The following PSPC1 variants were observed in gnomAD, a reference collection of about 807,000 sequenced individuals.
The protein encoded by PSPC1 is paraspeckle component 1.
PSPC1 carries 14 observed loss-of-function variants against 51.6 expected under a neutral mutation model. The observed-to-expected ratio is 0.27, with a 90% CI of 0.18 to 0.42. The LOEUF (loss-of-function observed/expected upper bound fraction) is 0.42, where lower values mean the gene tolerates loss of function less well. Among genes scored for constraint, PSPC1 ranks in the 10% least tolerant of loss-of-function variants. PSPC1 has a pLI of 1.00. For missense variants in PSPC1, 406 were observed against 701.1 expected (o/e 0.58, Z 4.75); for synonymous variants, 193 against 231.9 (o/e 0.83, Z 1.53).
chr13:19,692,116 CAT>C (rs1878643484), intron 6 of PSPC1, among the ~76,000 whole-genome samples: 1 of 152,012 alleles, frequency 6.6e-6, no homozygotes, highest in African/African-American at 2.4e-5. Flanking sequence ...GAATCTGAGT[CAT>C]GTTTTGTGTA....
Position 19,710,262 on chromosome 13 carries a change from C to T in PSPC1, c.1159-663G>A, listed in dbSNP as rs1299997138. On this transcript the variant is annotated intron_variant, in intron 6 of 8. Coordinates refer to ENST00000338910, the MANE Select transcript of PSPC1 (RefSeq NM_001354909.2). ...CTGAATGAAAGTATTACACAGTTAA[C>T]TATAAAACAGAAATATTCAGAACAT... Among the ~76,000 whole-genome samples, 4 of 152,088 alleles carry T rather than the reference C, an allele frequency of 2.6e-5. No homozygotes were observed. The East Asian group carries it at 7.7e-4, about 29-fold the overall frequency.
intron 6 of PSPC1, among the ~76,000 whole-genome samples, chr13:19,680,610 G>GA (rs917731206): frequency 7.3e-5 from 11 of 149,974 alleles, no homozygotes; most frequent in South Asian, 2.1e-4. Flanking sequence ...TGCCTAATAT[G>GA]AAAAAAAAAC....
At chr13:19,721,003 C>T (rs1485824237) in intron 6 of PSPC1, among the ~76,000 whole-genome samples, 1 of 146,402 alleles carries the variant, frequency 6.8e-6, no homozygotes, top group Non-Finnish European at 1.5e-5. Context: ...CTACAGCCTA[C>T]ATCTCACTAG....
chr13:19,753,187 G>A lies in PSPC1; in HGVS notation c.771-1720C>T, dbSNP rs557003209. On this transcript the variant is annotated intron_variant, in intron 3 of 8. Coordinates refer to ENST00000338910, the MANE Select transcript of PSPC1 (RefSeq NM_001354909.2). ...GATCCCAGCTACTCAGGAGGCTAAG[G>A]CAGGAGAATCGCTTGAACTCGGGAG... is the stretch of plus-strand genomic sequence containing the variant. Among the ~76,000 whole-genome samples, 341 of 150,846 alleles carry A rather than the reference G, an allele frequency of 2.3e-3. 2 individuals carry two copies. The highest frequency in any genetic ancestry group is 7.9e-3 in the African/African-American group (324 of 40,962).
chr13:19,741,508 G>C, intron 5 of PSPC1, 57 bp downstream of exon 5: 6 of 1,236,708 alleles, frequency 4.9e-6, no homozygotes, highest in Admixed American at 2.1e-5. Flanking sequence ...ACAGGTTGTG[G>C]GGAGTTTTTA....
chr13:19,772,801 CA>C (rs1344318759), intron 1 of PSPC1, among the ~76,000 whole-genome samples: 2 of 152,064 alleles, frequency 1.3e-5, no homozygotes, highest in African/African-American at 2.4e-5. Context: ...GGCCAGTTAC[CA>C]ACTATTAAAT....
chr13:19,673,058 A>G (rs527829595), downstream of PSPC1: 63 of 442,130 alleles, frequency 1.4e-4, no homozygotes, highest in Non-Finnish European at 2.7e-4. Flanking sequence ...TTGTCTCAAA[A>G]AAAAAAAAAA....
intron 7 of PSPC1, among the ~76,000 whole-genome samples, chr13:19,707,909 G>A (rs1593582152): frequency 1.3e-5 from 2 of 151,264 alleles, no homozygotes; most frequent in Admixed American, 6.6e-5. Flanking sequence ...TAGCACCCCA[G>A]CATTTACTCT....
Position 19,747,282 on chromosome 13 carries a change from CG to C in PSPC1, c.967+3988del, listed in dbSNP as rs1404498971. On this transcript the variant is annotated intron_variant, in intron 4 of 8. Coordinates refer to ENST00000338910, the MANE Select transcript of PSPC1 (RefSeq NM_001354909.2). ...TCATACAACCATTAAAAATATAAGG[CG>C]GATATTTACATATATATTCATGTAG... Among the ~76,000 whole-genome samples, 121 of 152,018 alleles carry C rather than the reference CG, an allele frequency of 8.0e-4. 1 individual carries two copies. Among genetic ancestry groups the C allele is most frequent in the Non-Finnish European group, 1.6e-4 (11 of 67,976 alleles).
rs1165730069 is a variant in PSPC1, at chr13:19,753,015, G to C, written c.771-1548C>G. Among the ~76,000 whole-genome samples the C allele has an allele frequency of 2.0e-5, 3 of 151,868 alleles. No individual in the cohort carries two copies. In the East Asian group the frequency reaches 5.8e-4, roughly 29 times the overall value. The stretch of plus-strand genomic sequence containing the variant: ...CTCACTGCCGAGACTGGGCACGGTA[G>C]GTCACACTTGTAATCCCAGCCCTTT... On this transcript the variant is annotated intron_variant, in intron 3 of 8. Transcript: ENST00000338910.
intron 2 of PSPC1, among the ~76,000 whole-genome samples, chr13:19,770,291 C>T (rs1333853546): frequency 6.6e-6 from 1 of 152,164 alleles, no homozygotes; most frequent in Non-Finnish European, 1.5e-5. Context: ...CACAAGGGAA[C>T]TTCTGTGGGG....
At chr13:19,687,502 A>G (rs1320499318) in intron 6 of PSPC1, among the ~76,000 whole-genome samples, 2 of 152,188 alleles carry the variant, frequency 1.3e-5, no homozygotes, top group Admixed American at 1.3e-4. Flanking sequence ...TCTCTAGCCA[A>G]GATCTTTTCC....
At chr13:19,708,574 G>A (rs865861422) in intron 7 of PSPC1, among the ~76,000 whole-genome samples, 5 of 152,130 alleles carry the variant, frequency 3.3e-5, no homozygotes, top group East Asian at 1.9e-4. Flanking sequence ...TTGGCTATAC[G>A]AGCAAATCCA....
At chr13:19,706,040 A>C (rs1354462863) in intron 7 of PSPC1, among the ~76,000 whole-genome samples, 5 of 152,220 alleles carry the variant, frequency 3.3e-5, no homozygotes, top group Non-Finnish European at 7.3e-5. Flanking sequence ...CGTACATAAA[A>C]TCAAGGAGGA....
chr13:19,735,457 C>G (rs1884669913), intron 5 of PSPC1, among the ~76,000 whole-genome samples: 1 of 152,206 alleles, frequency 6.6e-6, no homozygotes, highest in African/African-American at 2.4e-5. Flanking sequence ...AGCCCCTCAT[C>G]CTGGTCTTCC....
At chr13:19,768,045 T>A (rs1888238128) in intron 2 of PSPC1, among the ~76,000 whole-genome samples, 1 of 151,470 alleles carries the variant, frequency 6.6e-6, no homozygotes, top group Non-Finnish European at 1.5e-5. Flanking sequence ...TAGCAAGACC[T>A]CATATCTACT....
chr13:19,744,689 C>A (rs1258382263), intron 4 of PSPC1, among the ~76,000 whole-genome samples: 1 of 152,082 alleles, frequency 6.6e-6, no homozygotes. Flanking sequence ...CTCAGCCTCC[C>A]AAGTAGCTGG....
At chr13:19,780,253 C>T (rs1440054033) in intron 1 of PSPC1, among the ~76,000 whole-genome samples, 3 of 143,008 alleles carry the variant, frequency 2.1e-5, no homozygotes, top group South Asian at 2.4e-4. Flanking sequence ...TCTGCCCGGC[C>T]GCCCCTACTG....
At chr13:19,737,113 G>A (rs1217708044) in intron 5 of PSPC1, 5 of 152,094 alleles carry the variant, frequency 3.3e-5, no homozygotes, top group Non-Finnish European at 4.4e-5. Context: ...AGGTAACCTG[G>A]TAGTCCCCTG....
Sources: gnomAD v4.1 joint callset for allele counts (sites outside exome capture counted in the v4.1 genomes callset) on GRCh38, gnomAD v4.1.1 for gene constraint, MANE v1.5 for transcripts, NCBI Gene and HGNC (gene_info 2026-07-23, HGNC 2026-07-21) for gene names.